The following EPHA5 variants were observed in gnomAD, a reference collection of about 807,000 sequenced individuals.
EPHA5 encodes the protein EPH receptor A5, also known as ephrin type-A receptor 5.
In EPHA5, 60 loss-of-function variants were observed where a neutral mutation model predicts 105.0. That is an observed-to-expected ratio of 0.57 (90% CI 0.46 to 0.71). The LOEUF is 0.71. EPHA5 is among the 30% of genes least tolerant of loss of function. The pLI, the probability that EPHA5 is intolerant of heterozygous loss-of-function variation, is 0.00. For missense variants in EPHA5, 1,218 were observed against 1,274.7 expected (o/e 0.96, Z 0.68); for synonymous variants, 513 against 449.1 (o/e 1.14, Z -1.80).
At chr4:65,555,820 G>T (rs891435309) in intron 3 of EPHA5, among the ~76,000 whole-genome samples, 1 of 140,924 alleles carries the variant, frequency 7.1e-6, no homozygotes, top group East Asian at 1.9e-4. Context: ...TAACATTCAG[G>T]AGATAATATT....
chr4:65,580,078 A>C (rs1052079989), intron 3 of EPHA5, among the ~76,000 whole-genome samples: 2 of 151,946 alleles, frequency 1.3e-5, no homozygotes, highest in African/African-American at 4.8e-5. Context: ...TTCAAGAACG[A>C]GACTTAGAGA....
intron 2 of EPHA5, among the ~76,000 whole-genome samples, chr4:65,640,290 T>C (rs991277340): frequency 2.9e-5 from 4 of 138,948 alleles, no homozygotes; most frequent in East Asian, 2.1e-4. Flanking sequence ...TTCTTTTTTT[T>C]TTTTTTTTTT....
chr4:65,530,110 T>C (rs1735625790), intron 3 of EPHA5, among the ~76,000 whole-genome samples: 1 of 152,102 alleles, frequency 6.6e-6, no homozygotes, highest in South Asian at 2.1e-4. Context: ...CTATCACAGA[T>C]GTCTTAAAAA....
chr4:65,454,157 G>C (rs373454149), intron 5 of EPHA5, among the ~76,000 whole-genome samples: 2 of 152,080 alleles, frequency 1.3e-5, no homozygotes, highest in South Asian at 2.1e-4. Context: ...GCGCATGCCT[G>C]TAATCTCAGC....
intron 14 of EPHA5, among the ~76,000 whole-genome samples, chr4:65,341,092 C>T (rs1376420): frequency 1 from 152,197 of 152,208 alleles, 76,093 homozygotes; most frequent in Non-Finnish European, 1. Flanking sequence ...AAATTTTCCT[C>T]AATATCTAAT....
intron 5 of EPHA5, among the ~76,000 whole-genome samples, chr4:65,431,451 C>T (rs1473177736): frequency 6.6e-6 from 1 of 152,026 alleles, no homozygotes; most frequent in African/African-American, 2.4e-5. Flanking sequence ...ATCTGAAGGA[C>T]TCATATGTAA....
chr4:65,561,014 A>G (rs1738954091), intron 3 of EPHA5, among the ~76,000 whole-genome samples: 1 of 152,036 alleles, frequency 6.6e-6, no homozygotes, highest in African/African-American at 2.4e-5. Flanking sequence ...ATATTGAGTA[A>G]AACATAACTT....
intron 5 of EPHA5, among the ~76,000 whole-genome samples, chr4:65,435,763 A>C (rs1168531817): frequency 6.6e-6 from 1 of 151,952 alleles, no homozygotes; most frequent in Non-Finnish European, 1.5e-5. Flanking sequence ...AATGGAAACC[A>C]TTTTTGCTAG....
chr4:65,535,279 C>T (rs955618928), intron 3 of EPHA5, among the ~76,000 whole-genome samples: 4 of 152,088 alleles, frequency 2.6e-5, no homozygotes, highest in East Asian at 1.9e-4. Context: ...TCATGATTAA[C>T]GATCCCCATT....
intron 3 of EPHA5, among the ~76,000 whole-genome samples, chr4:65,589,225 T>G (rs1391813157): frequency 6.7e-6 from 1 of 149,470 alleles, no homozygotes; most frequent in African/African-American, 2.5e-5. Flanking sequence ...TGAGTGTTAT[T>G]TGGTTAAACT....
At chr4:65,599,142 G>T (rs927246902) in intron 3 of EPHA5, among the ~76,000 whole-genome samples, 1 of 152,024 alleles carries the variant, frequency 6.6e-6, no homozygotes, top group African/African-American at 2.4e-5. Flanking sequence ...AGAAGTAGAT[G>T]ATTTAAAGAG....
chr4:65,336,723 C>A (rs1282291516), intron 14 of EPHA5, among the ~76,000 whole-genome samples: 1 of 152,014 alleles, frequency 6.6e-6, no homozygotes, highest in South Asian at 2.1e-4. Context: ...TCTAGTAGCA[C>A]AAGAATTATA....
chr4:65,547,743 T>C lies in EPHA5; in HGVS notation c.911-52200A>G, dbSNP rs571932789. Among the ~76,000 whole-genome samples, 7 of 152,156 alleles carry C rather than the reference T, an allele frequency of 4.6e-5. No homozygotes were observed. The East Asian group carries it at 1.4e-3, about 29-fold the overall frequency. On this transcript the variant is annotated intron_variant, in intron 3 of 16. Transcript: ENST00000613740. ...TTAATTGGCCCTTTTGACAATCTCA[T>C]AGGGTCAGGGAAAGAGAGATTTGAA...
At chr4:65,576,064 A>AAAGAAAG (rs1560721203) in intron 3 of EPHA5, among the ~76,000 whole-genome samples, 3 of 74,308 alleles carry the variant, frequency 4.0e-5, no homozygotes, top group East Asian at 1.1e-3. Context: ...GAAAGAAAAG[A>AAAGAAAG]AAAGAAAAGA....
intron 2 of EPHA5, among the ~76,000 whole-genome samples, chr4:65,603,422 T>C (rs1163733284): frequency 6.6e-6 from 1 of 152,064 alleles, no homozygotes; most frequent in Non-Finnish European, 1.5e-5. Context: ...AATGAAACCA[T>C]ACTGACTTTC....
At chr4:65,482,283 A>G (rs1450227968) in intron 5 of EPHA5, among the ~76,000 whole-genome samples, 1 of 147,834 alleles carries the variant, frequency 6.8e-6, no homozygotes, top group African/African-American at 2.6e-5. Context: ...GGGTGACAAG[A>G]ACAAGATAAA....
chr4:65,331,277 A>G, intron 16 of EPHA5: 1 of 1,030,232 alleles, frequency 9.7e-7, no homozygotes, highest in East Asian at 5.8e-5. Flanking sequence ...AACCACATGT[A>G]CAGAGTATAT....
At chr4:65,465,433 C>T (rs1410703054) in intron 5 of EPHA5, among the ~76,000 whole-genome samples, 1 of 43,324 alleles carries the variant, frequency 2.3e-5, no homozygotes, top group Non-Finnish European at 4.7e-5. Flanking sequence ...CCCCCCACCC[C>T]TCTAAAGAAA....
chr4:65,574,719 T>TATATATAC (rs1740695967), intron 3 of EPHA5, among the ~76,000 whole-genome samples: 3 of 76,806 alleles, frequency 3.9e-5, no homozygotes, highest in African/African-American at 1.3e-4. Flanking sequence ...CATATATATA[T>TATATATAC]ACATATATAT....
Sources: allele counts gnomAD v4.1 joint callset (sites outside exome capture counted in the v4.1 genomes callset), GRCh38; gene constraint gnomAD v4.1.1; transcripts MANE v1.5; gene names NCBI Gene and HGNC (gene_info 2026-07-23, HGNC 2026-07-21).